The following ERI3 variants were observed in gnomAD, a reference collection of about 807,000 sequenced individuals.
ERI3 encodes ERI1 exoribonuclease 3.
A neutral mutation model predicts 44.4 loss-of-function variants in ERI3; 18 were observed. That is an observed-to-expected ratio of 0.41 (90% CI 0.28 to 0.60). The LOEUF is 0.60. Among genes scored for constraint, ERI3 ranks in the 20% least tolerant of loss-of-function variants. The pLI, the probability that ERI3 is intolerant of heterozygous loss-of-function variation, is 0.36. For missense variants in ERI3, 294 were observed against 435.5 expected (o/e 0.68, Z 2.89); for synonymous variants, 183 against 164.8 (o/e 1.11, Z -0.84).
At chr1:44,289,748 T>C (rs1202304196) in intron 6 of ERI3, among the ~76,000 whole-genome samples, 2 of 152,252 alleles carry the variant, frequency 1.3e-5, no homozygotes, top group African/African-American at 2.4e-5. Flanking sequence ...AGGCAGGGGA[T>C]AGCTCATTAG....
chr1:44,302,468 G>A (rs1213436284), intron 6 of ERI3, among the ~76,000 whole-genome samples: 1 of 152,206 alleles, frequency 6.6e-6, no homozygotes, highest in Non-Finnish European at 1.5e-5. Context: ...AGGGGCAACG[G>A]TGCGATGCCC....
intron 3 of ERI3, among the ~76,000 whole-genome samples, chr1:44,336,274 T>C (rs1447663661): frequency 1.3e-5 from 2 of 152,190 alleles, no homozygotes; most frequent in African/African-American, 4.8e-5. Flanking sequence ...ATCCGTCTTC[T>C]TGGCTTTCTC....
intron 1 of ERI3, chr1:44,354,132 T>G: frequency 1.0e-6 from 1 of 985,430 alleles, no homozygotes; most frequent in Non-Finnish European, 1.2e-6. Flanking sequence ...TCAAAACTCA[T>G]TTAGCCACTC....
chr1:44,272,541 T>C (rs889786822), intron 7 of ERI3, among the ~76,000 whole-genome samples: 2 of 152,148 alleles, frequency 1.3e-5, no homozygotes, highest in Non-Finnish European at 1.5e-5. Context: ...GCAGATAACA[T>C]TGTAATTAAT....
chr1:44,329,661 T>C (rs1338094489), intron 3 of ERI3, among the ~76,000 whole-genome samples: 1 of 152,164 alleles, frequency 6.6e-6, no homozygotes, highest in Non-Finnish European at 1.5e-5. Flanking sequence ...TACCTAACCA[T>C]CACTACCTAC....
chr1:44,274,183 T>G (rs1266587560), intron 7 of ERI3, among the ~76,000 whole-genome samples: 2 of 152,226 alleles, frequency 1.3e-5, no homozygotes, highest in Non-Finnish European at 2.9e-5. Context: ...CTGGCCCTGC[T>G]GCAGTTAGTC....
chr1:44,255,487 A>AT (rs1644762495), intron 7 of ERI3, among the ~76,000 whole-genome samples: 1 of 151,188 alleles, frequency 6.6e-6, no homozygotes, highest in Non-Finnish European at 1.5e-5. Context: ...CTCTCTTCCT[A>AT]TTTTTTTCTA....
chr1:44,266,587 G>A (rs1318311763), intron 7 of ERI3, among the ~76,000 whole-genome samples: 1 of 152,218 alleles, frequency 6.6e-6, no homozygotes, highest in Admixed American at 6.5e-5. Flanking sequence ...AAACTCTAAT[G>A]ACCAGTGACG....
At chr1:44,246,554 A>C (rs1434603352) in intron 8 of ERI3, among the ~76,000 whole-genome samples, 1 of 152,212 alleles carries the variant, frequency 6.6e-6, no homozygotes, top group African/African-American at 2.4e-5. Context: ...CAGATGTCCC[A>C]ACAAGAATAT....
Position 44,344,174 on chromosome 1 carries a change from T to C in ERI3, c.212-4852A>G, listed in dbSNP as rs963159729. ...AATCGCTTGAACCTAGGAGGCAGGG[T>C]TTGCAGTGAACTGAGATCACATCAC... On this transcript the variant is annotated intron_variant, in intron 2 of 8. Coordinates refer to ENST00000372257, the MANE Select transcript of ERI3 (RefSeq NM_024066.3). 3.3e-5 allele frequency among the ~76,000 whole-genome samples: 5 copies of C among 151,342 alleles called. No homozygotes were observed. The South Asian group carries it at 1.0e-3, about 32-fold the overall frequency.
chr1:44,335,776 CAAA>C (rs58557158), intron 3 of ERI3, among the ~76,000 whole-genome samples: 5 of 72,776 alleles, frequency 6.9e-5, no homozygotes, highest in Admixed American at 1.5e-4. Flanking sequence ...AACTCCATCT[CAAA>C]AAAAAAAAAA....
chr1:44,313,528 A>C (rs115934721), intron 4 of ERI3, among the ~76,000 whole-genome samples: 2,239 of 152,276 alleles, frequency 0.015, 51 homozygotes, highest in African/African-American at 0.05. Context: ...TTCAGCTTTC[A>C]GTTTGCAAAC....
At chr1:44,262,201 T>C (rs1644908756) in intron 7 of ERI3, among the ~76,000 whole-genome samples, 1 of 152,150 alleles carries the variant, frequency 6.6e-6, no homozygotes, top group African/African-American at 2.4e-5. Context: ...AGCCCCACCC[T>C]AACCAACTGA....
chr1:44,351,022 GA>G (rs1415519154), intron 2 of ERI3, among the ~76,000 whole-genome samples: 2 of 151,598 alleles, frequency 1.3e-5, no homozygotes, highest in East Asian at 3.9e-4. Flanking sequence ...TTTTCACAAT[GA>G]AATCAGAGCA....
intron 4 of ERI3, 26 bp downstream of exon 4, chr1:44,319,602 C>T (rs1557848447): frequency 6.4e-7 from 1 of 1,552,018 alleles, no homozygotes; most frequent in Non-Finnish European, 8.9e-7. Flanking sequence ...CCAGCAGCCC[C>T]TGCTGCCCAC....
At chr1:44,305,125 TC>T (rs905860814) in intron 6 of ERI3, among the ~76,000 whole-genome samples, 8 of 152,146 alleles carry the variant, frequency 5.3e-5, no homozygotes, top group African/African-American at 1.9e-4. Context: ...CTCCAGTCTT[TC>T]CCTCTTCTCA....
At chr1:44,243,886 GA>G (rs1316586162) in intron 8 of ERI3, 3 of 152,168 alleles carry the variant, frequency 2.0e-5, no homozygotes, top group African/African-American at 7.2e-5. Context: ...GTTCCACAGT[GA>G]TAACAACACA....
At chr1:44,285,717 C>T (rs1027893890) in intron 6 of ERI3, among the ~76,000 whole-genome samples, 2 of 151,996 alleles carry the variant, frequency 1.3e-5, no homozygotes, top group South Asian at 2.1e-4. Context: ...AACTCTTGAC[C>T]GTAAAGGGCT....
intron 7 of ERI3, among the ~76,000 whole-genome samples, chr1:44,261,557 AAGG>A (rs2154320099): frequency 6.6e-6 from 1 of 152,338 alleles, no homozygotes; most frequent in East Asian, 1.9e-4. Context: ...AGAGGGAAAA[AAGG>A]AGAGCGAACG....
Sources: allele counts gnomAD v4.1 joint callset (sites outside exome capture counted in the v4.1 genomes callset), GRCh38; gene constraint gnomAD v4.1.1; transcripts MANE v1.5; gene names NCBI Gene and HGNC (gene_info 2026-07-23, HGNC 2026-07-21).